KCNJ6: variants seen among roughly 807,000 people sequenced by gnomAD.
KCNJ6 encodes potassium inwardly rectifying channel subfamily J member 6, also known as G protein-activated inward rectifier potassium channel 2.
In KCNJ6, 9 loss-of-function variants were observed where a neutral mutation model predicts 34.2. The ratio of observed to expected loss-of-function variants is 0.26; its 90% confidence interval spans 0.16 to 0.46. The LOEUF (loss-of-function observed/expected upper bound fraction) is 0.46, where lower values mean the gene tolerates loss of function less well. KCNJ6 is among the 20% of genes least tolerant of loss of function. KCNJ6 has a pLI of 1.00. For synonymous variants in KCNJ6, 196 were observed against 207.1 expected, an observed-to-expected ratio of 0.95 and a Z score of 0.46; for missense variants, 236 against 531.3, an observed-to-expected ratio of 0.44 and a Z score of 5.46.
intron 2 of KCNJ6, among the ~76,000 whole-genome samples, chr21:37,752,164 G>A (rs1405380562): frequency 6.6e-6 from 1 of 152,176 alleles, no homozygotes; most frequent in Non-Finnish European, 1.5e-5. Context: ...AGCACTGTAG[G>A]TCAAGGCGGG....
intron 1 of KCNJ6, among the ~76,000 whole-genome samples, chr21:37,842,017 G>T (rs988565652): frequency 3.9e-4 from 59 of 152,356 alleles, no homozygotes; most frequent in African/African-American, 1.4e-3. Flanking sequence ...GTACCTGACA[G>T]TGTATAAAAG....
At chr21:37,853,823 AGTT>A (rs2055549011) in intron 1 of KCNJ6, among the ~76,000 whole-genome samples, 1 of 74,984 alleles carries the variant, frequency 1.3e-5, no homozygotes, top group Admixed American at 1.5e-4. Context: ...TAACAGCAGT[AGTT>A]AAGAGATACA....
rs921304623 is a variant in KCNJ6 at position 37,616,188 on chromosome 21, C to T, written c.*8971G>A. On this transcript the variant is annotated 3_prime_UTR_variant, in exon 4 of 4. Transcript: ENST00000609713. ...AGTTACCATGGCAGCCAAGCACATC[C>T]TCGGTAACCAGGCACCCACAAGTGC... 1.3e-5 allele frequency: 2 copies of T among 152,282 alleles called. No individual in the cohort carries two copies. Among genetic ancestry groups the T allele is most frequent in the South Asian group, 2.1e-4 (1 of 4,832 alleles). 9.4% of individuals were successfully genotyped at this position (152,282 alleles called of 1,614,324 possible). A position where few individuals can be genotyped will look rare whatever the true frequency, so the allele number is the denominator to read the frequency against.
At chr21:37,750,785 G>C (rs2054991561) in intron 2 of KCNJ6, among the ~76,000 whole-genome samples, 1 of 152,114 alleles carries the variant, frequency 6.6e-6, no homozygotes, top group Non-Finnish European at 1.5e-5. Flanking sequence ...TGTAGATGAC[G>C]GGTTGATGGG....
intron 3 of KCNJ6, among the ~76,000 whole-genome samples, chr21:37,709,608 A>G (rs966760249): frequency 3.9e-5 from 6 of 152,228 alleles, no homozygotes; most frequent in Non-Finnish European, 8.8e-5. Flanking sequence ...CTCATGGTGC[A>G]AAGGGCACTG....
rs977219198 is a variant in KCNJ6 at position 37,617,457 on chromosome 21, G to A, written c.*7702C>T. On this transcript the variant is annotated 3_prime_UTR_variant, in exon 4 of 4. Coordinates refer to ENST00000609713, the MANE Select transcript of KCNJ6 (RefSeq NM_002240.5). ...GCTGGTCTCAAACTCCTGGCCTCAG[G>A]TGATCTGCCACCTTGGCCTCCCAAA... 6.6e-6 allele frequency: 1 copy of A among 152,210 alleles called. No homozygotes were observed. The highest frequency in any genetic ancestry group is 2.4e-5 in the African/African-American group (1 of 41,398). The allele number at this position is 152,210 out of a possible 1,614,324, so 9.4% of individuals were successfully genotyped here. A position where few individuals can be genotyped will look rare whatever the true frequency, so the allele number is the denominator to read the frequency against.
chr21:37,634,597 A>G (rs898117611), intron 3 of KCNJ6, among the ~76,000 whole-genome samples: 1 of 152,232 alleles, frequency 6.6e-6, no homozygotes, highest in Non-Finnish European at 1.5e-5. Context: ...AATTTTAAGA[A>G]GTACTAATAA....
Position 37,624,751 on chromosome 21 carries a change from ACT to A in KCNJ6, c.*406_*407del, listed in dbSNP as rs1486899351. On this transcript the variant is annotated 3_prime_UTR_variant, in exon 4 of 4. Coordinates refer to ENST00000609713, the MANE Select transcript of KCNJ6 (RefSeq NM_002240.5). Reference sequence around the variant, plus strand: ...TGGGATCCATAAAACTGAGGGCTCCACTCTGTGTCTCACTGAATGAATAAATA... The same window carrying A: ...TGGGATCCATAAAACTGAGGGCTCCACTGTGTCTCACTGAATGAATAAATA... 5.2e-6 allele frequency: 1 copy of A among 192,246 alleles called. No individual in the cohort carries two copies. The highest frequency in any genetic ancestry group is 1.1e-5 in the Non-Finnish European group (1 of 93,452). The allele number at this position is 192,246 out of a possible 1,614,324, so 11.9% of individuals were successfully genotyped here.
At position 37,777,579 on chromosome 21, in the gene KCNJ6, T is replaced by A. The variant is rs528654026; in HGVS notation, c.26-62448A>T. ...GCTAAGCTCTTGGCTAGTATTTTTT[T>A]AATTAAGAACCAGGTACTAAGTATT... On this transcript the variant is annotated intron_variant, in intron 2 of 3. Transcript: ENST00000609713. Among the ~76,000 whole-genome samples, 25 of 152,344 alleles carry A rather than the reference T, an allele frequency of 1.6e-4. 1 individual carries two copies. The highest frequency in any genetic ancestry group is 3.4e-4 in the African/African-American group (14 of 41,590).
intron 2 of KCNJ6, among the ~76,000 whole-genome samples, chr21:37,839,435 C>T (rs1054043005): frequency 6.6e-5 from 10 of 151,998 alleles, no homozygotes; most frequent in African/African-American, 1.4e-4. Flanking sequence ...AACTTTTTAA[C>T]GTTATATTTT....
chr21:37,654,094 C>T (rs2054446223), intron 3 of KCNJ6, among the ~76,000 whole-genome samples: 2 of 148,608 alleles, frequency 1.3e-5, no homozygotes, highest in African/African-American at 5.0e-5. Flanking sequence ...GAAAAAAATT[C>T]CACTTTGTGG....
rs35700310 is a variant in KCNJ6 at position 37,661,798 on chromosome 21, A to AT, written c.947-36315dup. On this transcript the variant is annotated intron_variant, in intron 3 of 3. Coordinates refer to ENST00000609713, the MANE Select transcript of KCNJ6 (RefSeq NM_002240.5). The stretch of plus-strand genomic sequence containing the variant: ...CCACCATGCCCCGCTAATTTTTTCT[A>AT]TTTTTTTTTTTAGTACAGACGGGGT... Among the ~76,000 whole-genome samples the AT allele has an allele frequency of 6.2e-4, 92 of 147,494 alleles. 1 individual carries two copies. The highest frequency in any genetic ancestry group is 2.0e-3 in the African/African-American group (81 of 40,190).
At chr21:37,851,084 G>T (rs2055535241) in intron 1 of KCNJ6, among the ~76,000 whole-genome samples, 1 of 152,148 alleles carries the variant, frequency 6.6e-6, no homozygotes, top group African/African-American at 2.4e-5. Flanking sequence ...GCCTAATACT[G>T]TATAACCCAT....
intron 2 of KCNJ6, among the ~76,000 whole-genome samples, chr21:37,770,219 G>C (rs919664258): frequency 3.9e-5 from 6 of 152,096 alleles, no homozygotes; most frequent in African/African-American, 1.4e-4. Context: ...CCTCTCTTGG[G>C]ACAGCTGTCT....
chr21:37,900,080 G>T (rs1321832506), intron 1 of KCNJ6, among the ~76,000 whole-genome samples: 1 of 152,188 alleles, frequency 6.6e-6, no homozygotes, highest in Non-Finnish European at 1.5e-5. Flanking sequence ...GGAAATGTTA[G>T]AATGTAAATA....
chr21:37,799,531 G>C (rs1344518130), intron 2 of KCNJ6, among the ~76,000 whole-genome samples: 3 of 152,216 alleles, frequency 2.0e-5, no homozygotes, highest in African/African-American at 7.2e-5. Context: ...TGGGTCAACA[G>C]GCAAGAGCAA....
intron 2 of KCNJ6, among the ~76,000 whole-genome samples, chr21:37,835,650 A>G (rs1041665719): frequency 1.3e-5 from 2 of 152,204 alleles, no homozygotes; most frequent in African/African-American, 4.8e-5. Flanking sequence ...AGAGTCTACT[A>G]GGCTGTGTCA....
chr21:37,840,775 C>T, intron 1 of KCNJ6, 66 bp from the exon 2 acceptor site: 1 of 847,970 alleles, frequency 1.2e-6, no homozygotes, highest in Non-Finnish European at 1.9e-6. Context: ...ATCTAATTGC[C>T]ATTTACAGCT....
At chr21:37,909,654 G>T (rs1350331162) in intron 1 of KCNJ6, among the ~76,000 whole-genome samples, 1 of 152,152 alleles carries the variant, frequency 6.6e-6, no homozygotes, top group Non-Finnish European at 1.5e-5. Context: ...ATAGGTGTAA[G>T]CCACCGCTCC....
Sources: allele counts gnomAD v4.1 joint callset (sites outside exome capture counted in the v4.1 genomes callset), GRCh38; gene constraint gnomAD v4.1.1; transcripts MANE v1.5; gene names NCBI Gene and HGNC (gene_info 2026-07-23, HGNC 2026-07-21).